Variants in CACNA2D3 observed in about 807,000 individuals in gnomAD.
CACNA2D3 encodes calcium voltage-gated channel auxiliary subunit alpha2delta 3.
In CACNA2D3, 60 loss-of-function variants were observed where a neutral mutation model predicts 160.6. The ratio of observed to expected loss-of-function variants is 0.37; its 90% confidence interval spans 0.30 to 0.46. The LOEUF (loss-of-function observed/expected upper bound fraction) is 0.46, where lower values mean the gene tolerates loss of function less well. Among genes scored for constraint, CACNA2D3 ranks in the 20% least tolerant of loss-of-function variants. The pLI, the probability that CACNA2D3 is intolerant of heterozygous loss-of-function variation, is 1.00. For synonymous variants in CACNA2D3, 558 were observed against 492.9 expected (o/e 1.13, Z -1.75); for missense variants, 1,205 against 1,365.0 (o/e 0.88, Z 1.85).
intron 35 of CACNA2D3, among the ~76,000 whole-genome samples, 179 bp downstream of exon 35, chr3:55,018,496 C>G (rs1703377113): frequency 6.6e-6 from 1 of 152,190 alleles, no homozygotes; most frequent in East Asian, 1.9e-4. Context: ...ATAAGATATT[C>G]TAGACACTGG....
intron 17 of CACNA2D3, among the ~76,000 whole-genome samples, chr3:54,863,979 G>A (rs983706029): frequency 4.0e-5 from 6 of 151,888 alleles, no homozygotes; most frequent in South Asian, 4.2e-4. Flanking sequence ...TCATCTTTCC[G>A]TGACATGTAA....
intron 13 of CACNA2D3, among the ~76,000 whole-genome samples, chr3:54,805,575 A>G (rs549320283): frequency 0.022 from 3,305 of 152,266 alleles, 119 homozygotes; most frequent in African/African-American, 0.075. Flanking sequence ...TTACCAACCA[A>G]AAAGAGTCCA....
At chr3:54,855,190 A>G (rs1390992891) in intron 17 of CACNA2D3, among the ~76,000 whole-genome samples, 1 of 152,126 alleles carries the variant, frequency 6.6e-6, no homozygotes, top group African/African-American at 2.4e-5. Flanking sequence ...GGGGACACTC[A>G]CAGGAAATGG....
At chr3:54,600,020 G>C (rs892580166) in intron 9 of CACNA2D3, among the ~76,000 whole-genome samples, 1 of 152,222 alleles carries the variant, frequency 6.6e-6, no homozygotes, top group Admixed American at 6.5e-5. Context: ...CACGGCCCCG[G>C]AGTTTTTATT....
At chr3:54,792,813 C>T (rs933794952) in intron 13 of CACNA2D3, among the ~76,000 whole-genome samples, 11 of 152,028 alleles carry the variant, frequency 7.2e-5, no homozygotes, top group Non-Finnish European at 1.0e-4. Flanking sequence ...AGGCAGGAGT[C>T]GCGTGTCTAC....
chr3:54,237,822 G>A (rs1273670044), intron 2 of CACNA2D3, among the ~76,000 whole-genome samples: 1 of 152,126 alleles, frequency 6.6e-6, no homozygotes, highest in Admixed American at 6.5e-5. Flanking sequence ...TCAAAGTTAT[G>A]TGAGTTCCAC....
chr3:55,033,590 A>G lies in CACNA2D3; in HGVS notation c.2987+15273A>G, dbSNP rs1322173164. 3.1e-3 allele frequency among the ~76,000 whole-genome samples: 230 copies of G among 75,380 alleles called. 4 individuals carry two copies. Among genetic ancestry groups the G allele is most frequent in the Middle Eastern group, 0.018 (3 of 168 alleles). 49.5% of individuals were successfully genotyped at this position (75,380 alleles called of 152,430 possible). On this transcript the variant is annotated intron_variant, in intron 35 of 37. Coordinates refer to ENST00000474759, the MANE Select transcript of CACNA2D3 (RefSeq NM_018398.3). ...GTGTCATTTATGTGTGTGTGTATAT[A>G]TATATATATATATATATCTCCTTGA...
intron 3 of CACNA2D3, among the ~76,000 whole-genome samples, chr3:54,380,476 C>CCCTGCTGGG (rs1298289729): frequency 6.6e-6 from 1 of 152,242 alleles, no homozygotes; most frequent in Non-Finnish European, 1.5e-5. Context: ...CGGTGGCTCA[C>CCCTGCTGGG]ATCTGTGATC....
At chr3:55,027,630 T>C (rs1220446664) in intron 35 of CACNA2D3, among the ~76,000 whole-genome samples, 1 of 152,170 alleles carries the variant, frequency 6.6e-6, no homozygotes, top group Non-Finnish European at 1.5e-5. Context: ...TTGACCAACT[T>C]TGTAGGTAAC....
intron 2 of CACNA2D3, among the ~76,000 whole-genome samples, chr3:54,307,468 C>T (rs566058535): frequency 4.6e-5 from 7 of 152,260 alleles, no homozygotes; most frequent in Middle Eastern, 3.4e-3. Context: ...GGTCATTTTT[C>T]TTAGCCTCTG....
intron 17 of CACNA2D3, among the ~76,000 whole-genome samples, chr3:54,847,300 G>A (rs1244122801): frequency 2.0e-5 from 3 of 152,198 alleles, no homozygotes; most frequent in African/African-American, 7.2e-5. Flanking sequence ...GTAATGCAGT[G>A]AACACTGTTT....
chr3:54,805,200 T>A (rs1335751598), intron 13 of CACNA2D3, among the ~76,000 whole-genome samples: 1 of 151,790 alleles, frequency 6.6e-6, no homozygotes, highest in Admixed American at 6.6e-5. Flanking sequence ...ATAACTAAGA[T>A]CAGAGCAGAA....
In CACNA2D3 at chr3:54,843,883, A is replaced by T. The variant is rs574685285; in HGVS notation, c.1552-2510A>T. Among the ~76,000 whole-genome samples the T allele has an allele frequency of 1.2e-4, 19 of 152,238 alleles. 1 individual carries two copies. In the South Asian group the frequency reaches 3.7e-3, roughly 30 times the overall value. ...TGGTGGTGCCGCCTACTGAGAGAGG[A>T]GGAAGAAGAACAGCTTTAGAAGAAC... On this transcript the variant is annotated intron_variant, in intron 16 of 37. Transcript: ENST00000474759.
chr3:54,181,239 A>G (rs1429359896), intron 2 of CACNA2D3, among the ~76,000 whole-genome samples: 1 of 152,206 alleles, frequency 6.6e-6, no homozygotes, highest in East Asian at 1.9e-4. Context: ...ATGGTGATGA[A>G]TAGATATTGG....
intron 11 of CACNA2D3, among the ~76,000 whole-genome samples, chr3:54,714,360 G>A (rs1464385435): frequency 6.6e-6 from 1 of 152,140 alleles, no homozygotes; most frequent in Non-Finnish European, 1.5e-5. Context: ...TGGGATGGAG[G>A]GCGAGTGCTC....
Position 55,074,350 on chromosome 3 carries a change from C to T in CACNA2D3, c.*144C>T, listed in dbSNP as rs146267223. 1.9e-5 allele frequency: 13 copies of T among 673,584 alleles called. No homozygotes were observed. Among genetic ancestry groups the T allele is most frequent in the Admixed American group, 4.9e-5 (2 of 41,076 alleles). The allele number at this position is 673,584 out of a possible 1,614,324, so 41.7% of individuals were successfully genotyped here. A position where few individuals can be genotyped will look rare whatever the true frequency, so the allele number is the denominator to read the frequency against. ...CATCTCATCATGATTTTAAACTGTG[C>T]GTGATATAAACTCTTAAAGATATGT... On this transcript the variant is annotated 3_prime_UTR_variant, in exon 38 of 38. Coordinates refer to ENST00000474759, the MANE Select transcript of CACNA2D3 (RefSeq NM_018398.3).
At chr3:54,595,150 A>G (rs1256058093) in intron 9 of CACNA2D3, among the ~76,000 whole-genome samples, 1 of 152,208 alleles carries the variant, frequency 6.6e-6, no homozygotes, top group Non-Finnish European at 1.5e-5. Flanking sequence ...CCATCTTAGT[A>G]GAAAGGGCAC....
chr3:55,032,159 C>G (rs533579530), intron 35 of CACNA2D3, among the ~76,000 whole-genome samples: 1 of 152,152 alleles, frequency 6.6e-6, no homozygotes, highest in Non-Finnish European at 1.5e-5. Flanking sequence ...GGAGTAAACT[C>G]TCCTGACCAA....
At chr3:54,589,443 T>G (rs1206132556) in intron 9 of CACNA2D3, among the ~76,000 whole-genome samples, 1 of 148,854 alleles carries the variant, frequency 6.7e-6, no homozygotes, top group South Asian at 2.1e-4. Flanking sequence ...AAAAAAAAAA[T>G]AGATGTGGGG....
Sources: allele counts gnomAD v4.1 joint callset (sites outside exome capture counted in the v4.1 genomes callset), GRCh38; gene constraint gnomAD v4.1.1; transcripts MANE v1.5; gene names NCBI Gene and HGNC (gene_info 2026-07-23, HGNC 2026-07-21).